The following HNRNPA2B1 variants were observed in gnomAD, a reference collection of about 807,000 sequenced individuals.
HNRNPA2B1 encodes the protein heterogeneous nuclear ribonucleoprotein A2/B1, also known as heterogeneous nuclear ribonucleoproteins A2/B1.
HNRNPA2B1 carries 3 observed loss-of-function variants against 46.3 expected under a neutral mutation model. The observed-to-expected ratio is 0.06, with a 90% confidence interval of 0.03 to 0.17. HNRNPA2B1 has a LOEUF of 0.17. Among genes scored for constraint, HNRNPA2B1 ranks in the 10% least tolerant of loss-of-function variants. The pLI, the probability that HNRNPA2B1 is intolerant of heterozygous loss-of-function variation, is 1.00. For missense variants in HNRNPA2B1, 221 were observed against 418.9 expected, an observed-to-expected ratio of 0.53 and a Z score of 4.12; for synonymous variants, 225 against 133.8, an observed-to-expected ratio of 1.68 and a Z score of -4.70.
Position 26,191,786 on chromosome 7 carries a change from C to T in HNRNPA2B1, c.*574G>A, listed in dbSNP as rs1782944196. The T allele has an allele frequency of 6.6e-6, 1 of 152,524 alleles. No homozygotes were observed. Among genetic ancestry groups the T allele is most frequent in the Non-Finnish European group, 1.5e-5 (1 of 68,028 alleles). 9.4% of individuals were successfully genotyped at this position (152,524 alleles called of 1,614,324 possible). A position where few individuals can be genotyped will look rare whatever the true frequency, so the allele number is the denominator to read the frequency against. ...ATATAACAACAGCTTTGCAACGGAC[C>T]TTAATTATACTACCCACTCCTTAAC... On this transcript the variant is annotated 3_prime_UTR_variant, in exon 11 of 11. Coordinates refer to ENST00000618183, the MANE Select transcript of HNRNPA2B1 (RefSeq NM_002137.4).
chr7:26,197,837 C>G, intron 1 of HNRNPA2B1, 105 bp from the exon 2 acceptor site: 1 of 1,604,914 alleles, frequency 6.2e-7, no homozygotes. Flanking sequence ...GTACCTTTTT[C>G]CTCTCCAAAG....
intron 1 of HNRNPA2B1, chr7:26,198,911 G>A (rs988165048): frequency 6.6e-6 from 1 of 152,122 alleles, no homozygotes; most frequent in Admixed American, 6.5e-5. Context: ...CTCCTAAAAA[G>A]TAGTGGTAAA....
chr7:26,192,514 G>C lies in HNRNPA2B1; in HGVS notation c.*2C>G, dbSNP rs1466814485. 1 of 1,611,996 alleles carries C rather than the reference G, an allele frequency of 6.2e-7. No homozygotes were observed. The highest frequency in any genetic ancestry group is 1.1e-5 in the South Asian group (1 of 91,062). ...ACTTACCCATGGCAAATAGGAAGAA[G>C]CTCAGTATCGGCTCCTCCCACCATA... On this transcript the variant is annotated 3_prime_UTR_variant, in exon 10 of 11. Coordinates refer to ENST00000618183, the MANE Select transcript of HNRNPA2B1 (RefSeq NM_002137.4).
chr7:26,190,270 G>C lies in HNRNPA2B1; in HGVS notation c.*2090C>G, dbSNP rs998714147. On this transcript the variant is annotated 3_prime_UTR_variant, in exon 11 of 11. Coordinates refer to ENST00000618183, the MANE Select transcript of HNRNPA2B1 (RefSeq NM_002137.4). ...CTGTTTTACAAACAACACTCATTTT[G>C]TAATTGTTTTATATCAAGAACCTCA... is the stretch of plus-strand genomic sequence containing the variant. The C allele has an allele frequency of 2.0e-5, 3 of 152,468 alleles. No individual in the cohort carries two copies. The highest frequency in any genetic ancestry group is 7.2e-5 in the African/African-American group (3 of 41,414). The allele number at this position is 152,468 out of a possible 1,614,324, so 9.4% of individuals were successfully genotyped here.
chr7:26,193,577 C>G lies in HNRNPA2B1; in HGVS notation c.839G>C (p.Gly280Ala). Residue 280 changes from glycine (G) to alanine (A), a missense_variant and splice_region_variant, in exon 8 of 11, where the codon GGA (glycine) becomes GCA (alanine). Gly to Ala is a moderately conservative substitution (Grantham distance 60, BLOSUM62 0). Transcript: ENST00000618183. ...AAGGTTGCAGGTGAATTTATTACCT[C>G]CTCCATAGTTGTCATAACCACCTCC... is the stretch of plus-strand genomic sequence containing the variant. ...GYGGGYDNYG[G>A]GNYGSGNYND... 1 of 1,587,098 alleles carries G rather than the reference C, an allele frequency of 6.3e-7. No homozygotes were observed. Among genetic ancestry groups the G allele is most frequent in the South Asian group, 1.2e-5 (1 of 86,084 alleles).
intron 4 of HNRNPA2B1, 41 bp from the exon 5 acceptor site, chr7:26,196,699 AAT>A: frequency 6.3e-7 from 1 of 1,576,958 alleles, no homozygotes; most frequent in South Asian, 1.1e-5. Context: ...TTAAATCAAC[AAT>A]ATTAAGCAGC....
At chr7:26,200,500 G>C in intron 1 of HNRNPA2B1, 72 bp downstream of exon 1, 1 of 1,514,044 alleles carries the variant, frequency 6.6e-7, no homozygotes, top group Non-Finnish European at 9.1e-7. Flanking sequence ...GAGGCGGCTG[G>C]CCGACTTCCA....
intron 8 of HNRNPA2B1, 91 bp downstream of exon 8, chr7:26,193,484 C>A: frequency 1.3e-6 from 2 of 1,523,700 alleles, no homozygotes; most frequent in South Asian, 1.2e-5. Context: ...ATTTTATGGG[C>A]ATCTAGTGAC....
chr7:26,194,574 C>T (rs998265912), intron 7 of HNRNPA2B1, among the ~76,000 whole-genome samples: 8 of 151,314 alleles, frequency 5.3e-5, no homozygotes, highest in Non-Finnish European at 8.8e-5. Flanking sequence ...TGGTGGCACA[C>T]CCCGTAGTTC....
At chr7:26,196,784 T>C in intron 4 of HNRNPA2B1, 23 bp downstream of exon 4, 1 of 1,601,594 alleles carries the variant, frequency 6.2e-7, no homozygotes, top group Non-Finnish European at 8.5e-7. Flanking sequence ...AAAAAAACAG[T>C]ACATTTGTGG....
Position 26,190,366 on chromosome 7 carries a change from A to G in HNRNPA2B1, c.*1994T>C, listed in dbSNP as rs1782759605. On this transcript the variant is annotated 3_prime_UTR_variant, in exon 11 of 11. Coordinates refer to ENST00000618183, the MANE Select transcript of HNRNPA2B1 (RefSeq NM_002137.4). Reference sequence around the variant, plus strand: ...GAGTGCTTTTTAAATGAAGGCACCAACAAGAACTACTTTCAGATGGTACAG... The same window carrying G: ...GAGTGCTTTTTAAATGAAGGCACCAGCAAGAACTACTTTCAGATGGTACAG... The G allele has an allele frequency of 6.6e-6, 1 of 152,648 alleles. No individual in the cohort carries two copies. The highest frequency in any genetic ancestry group is 2.1e-4 in the South Asian group (1 of 4,836). 9.5% of individuals were successfully genotyped at this position (152,648 alleles called of 1,614,324 possible).
At chr7:26,196,153 G>A (rs776719369) in intron 6 of HNRNPA2B1, among the ~76,000 whole-genome samples, 10 of 152,200 alleles carry the variant, frequency 6.6e-5, no homozygotes, top group Non-Finnish European at 1.3e-4. Context: ...AATGACACTT[G>A]ATGGGGGTCA....
chr7:26,198,976 A>C (rs1382369289), intron 1 of HNRNPA2B1: 1 of 152,190 alleles, frequency 6.6e-6, no homozygotes, highest in Non-Finnish European at 1.5e-5. Context: ...ATTAAAGAAA[A>C]AATTAACTGA....
At chr7:26,192,652 T>C (rs1315646090) in intron 9 of HNRNPA2B1, 75 bp from the exon 10 acceptor site, 2 of 1,182,224 alleles carry the variant, frequency 1.7e-6, no homozygotes, top group African/African-American at 3.0e-5. Flanking sequence ...TACAGTTGAT[T>C]CTATTTTATA....
At chr7:26,198,082 G>C (rs915774203) in intron 1 of HNRNPA2B1, 2 of 383,248 alleles carry the variant, frequency 5.2e-6, no homozygotes, top group Non-Finnish European at 9.1e-6. Context: ...GATTATCAAA[G>C]GATTATTAAA....
chr7:26,198,386 A>T (rs1783918940), intron 1 of HNRNPA2B1: 1 of 152,424 alleles, frequency 6.6e-6, no homozygotes, highest in South Asian at 2.1e-4. Flanking sequence ...TACTCTTATA[A>T]CCAGGACAAA....
Position 26,196,905 on chromosome 7 carries a change from A to AT in HNRNPA2B1, c.376dup (p.Ile126AsnfsTer2). The AT allele has an allele frequency of 6.2e-7, 1 of 1,613,790 alleles. No homozygotes were observed. The highest frequency in any genetic ancestry group is 8.5e-7 in the Non-Finnish European group (1 of 1,179,766). On this transcript the variant is annotated frameshift_variant, in exon 4 of 11. Coordinates refer to ENST00000618183, the MANE Select transcript of HNRNPA2B1 (RefSeq NM_002137.4). LOFTEE classifies it high-confidence loss of function. ...ATCAGTAATTATCTCAATGGTATCA[A>AT]TTTTTCCATATTCCTCAAAGTAATC...
At chr7:26,192,623 C>T (rs368759926) in intron 9 of HNRNPA2B1, 46 bp from the exon 10 acceptor site, 1 of 1,486,644 alleles carries the variant, frequency 6.7e-7, no homozygotes, top group Non-Finnish European at 9.4e-7. Flanking sequence ...ACTTTGATTT[C>T]CCATGATCAG....
intron 7 of HNRNPA2B1, 178 bp downstream of exon 7, chr7:26,195,669 C>A: frequency 1.6e-6 from 1 of 609,976 alleles, no homozygotes; most frequent in South Asian, 2.3e-5. Context: ...CACTCTATTC[C>A]TTAGGCTATA....
Sources: allele counts gnomAD v4.1 joint callset (sites outside exome capture counted in the v4.1 genomes callset), GRCh38; gene constraint gnomAD v4.1.1; transcripts MANE v1.5; gene names NCBI Gene and HGNC (gene_info 2026-07-23, HGNC 2026-07-21).